The following SSUH2 variants were observed in gnomAD, a reference collection of about 807,000 sequenced individuals.
SSUH2 encodes the protein protein SSUH2 homolog.
A neutral mutation model predicts 55.3 loss-of-function variants in SSUH2; 47 were observed. The ratio of observed to expected loss-of-function variants is 0.85; its 90% confidence interval spans 0.67 to 1.08. The LOEUF is 1.08. Among genes scored for constraint, SSUH2 ranks in the 50% least tolerant of loss-of-function variants. The pLI, the probability that SSUH2 is intolerant of heterozygous loss-of-function variation, is 0.00. For missense variants in SSUH2, 535 were observed against 490.7 expected (o/e 1.09, Z -0.85); for synonymous variants, 212 against 191.5 (o/e 1.11, Z -0.89).
rs574272142 is a variant in SSUH2 at position 8,678,937 on chromosome 3, C to T, written c.-901+768G>A. 7.2e-4 allele frequency among the ~76,000 whole-genome samples: 76 copies of T among 106,068 alleles called. 4 individuals carry two copies. The highest frequency in any genetic ancestry group is 1.1e-3 in the Non-Finnish European group (53 of 46,274). The allele number at this position is 106,068 out of a possible 152,430, so 69.6% of individuals were successfully genotyped here. ...AGGCGGGGACTGAGAGCCAGCCACT[C>T]TTCCCCTCCTGGCTCTTGGGACGCC... is the stretch of plus-strand genomic sequence containing the variant. On this transcript the variant is annotated intron_variant, in intron 2 of 18. Transcript: ENST00000317371.
intron 1 of SSUH2, among the ~76,000 whole-genome samples, chr3:8,681,552 GGGGC>G (rs1348699743): frequency 6.8e-6 from 1 of 147,328 alleles, no homozygotes; most frequent in African/African-American, 2.5e-5. Context: ...ACCCCCATGG[GGGGC>G]GGGAGGCACC....
At chr3:8,681,748 G>A (rs114183114) in intron 1 of SSUH2, 2,052 of 143,018 alleles carry the variant, frequency 0.014, 53 homozygotes, top group African/African-American at 0.05. Flanking sequence ...GAGTGAGAGC[G>A]AGCCCCTCTT....
intron 5 of SSUH2, 146 bp from the exon 6 acceptor site, chr3:8,631,075 C>A: frequency 1.2e-6 from 1 of 841,356 alleles, no homozygotes; most frequent in East Asian, 3.2e-5. Flanking sequence ...CAAGGCCTTC[C>A]TTGGAGGCAG....
chr3:8,670,615 A>G (rs553441730), intron 5 of SSUH2, among the ~76,000 whole-genome samples: 2 of 152,100 alleles, frequency 1.3e-5, no homozygotes, highest in Non-Finnish European at 2.9e-5. Context: ...CAGGGAGTAC[A>G]TGCCGTGTGA....
chr3:8,632,052 T>C lies in SSUH2; in HGVS notation c.397A>G (p.Thr133Ala). The change falls in exon 5 of 12, where the codon ACT becomes GCT. Residue 133 changes from threonine (T) to alanine (A), a missense_variant. Transcript: ENST00000544814. ...TAATTTCAGACAATTCACTTACTAG[T>C]AAAGGGTTGAAATGTCCACTCGCTT... ...RISEWTFQPFTNHSVDGPQRG... is the reference protein window; with the variant it reads ...RISEWTFQPFANHSVDGPQRG... The C allele has an allele frequency of 1.2e-6, 2 of 1,613,438 alleles. No homozygotes were observed. Among genetic ancestry groups the C allele is most frequent in the Non-Finnish European group, 1.7e-6 (2 of 1,179,466 alleles).
chr3:8,633,247 A>G (rs887696380), intron 4 of SSUH2, among the ~76,000 whole-genome samples: 1 of 150,886 alleles, frequency 6.6e-6, no homozygotes, highest in African/African-American at 2.4e-5. Flanking sequence ...AGTTTCAAGC[A>G]ATTGTCCTGC....
intron 5 of SSUH2, among the ~76,000 whole-genome samples, chr3:8,664,808 T>C (rs565782991): frequency 1.3e-5 from 2 of 152,264 alleles, no homozygotes; most frequent in African/African-American, 4.8e-5. Context: ...AAAAAGCAAA[T>C]TAAGGCATAC....
At chr3:8,679,225 C>T (rs530609100) in intron 2 of SSUH2, among the ~76,000 whole-genome samples, 59 of 672 alleles carry the variant, frequency 0.088, 14 homozygotes, top group Non-Finnish European at 0.17. Flanking sequence ...TGGCACCCTC[C>T]GTGAGCGGGG....
chr3:8,664,696 G>A (rs775725638), intron 5 of SSUH2, among the ~76,000 whole-genome samples: 10 of 152,158 alleles, frequency 6.6e-5, no homozygotes, highest in Non-Finnish European at 1.5e-4. Flanking sequence ...CTCCCAGCTC[G>A]GTGCTTTGAC....
chr3:8,633,328 C>G (rs7636704), intron 4 of SSUH2, among the ~76,000 whole-genome samples: 94,769 of 151,594 alleles, frequency 0.63, 29,846 homozygotes, highest in East Asian at 0.86. Flanking sequence ...ATTTTTAGTA[C>G]AGATGGGGTT....
chr3:8,630,263 CA>C (rs1364256106), intron 6 of SSUH2, among the ~76,000 whole-genome samples: 1 of 152,112 alleles, frequency 6.6e-6, no homozygotes, highest in African/African-American at 2.4e-5. Flanking sequence ...AAATCCAGTC[CA>C]AAAGTGTAAA....
chr3:8,672,693 G>C (rs1704730634), intron 3 of SSUH2, among the ~76,000 whole-genome samples: 1 of 151,618 alleles, frequency 6.6e-6, no homozygotes, highest in South Asian at 2.1e-4. Context: ...GATATTTCGA[G>C]TAATATCACC....
At chr3:8,628,960 T>A (rs867110309) in intron 7 of SSUH2, among the ~76,000 whole-genome samples, 1 of 152,216 alleles carries the variant, frequency 6.6e-6, no homozygotes, top group Non-Finnish European at 1.5e-5. Context: ...GGTTCACGCC[T>A]GTCTCCTGCC....
rs771618998 is a variant in SSUH2 at position 8,635,733 on chromosome 3, A to G, written c.127+26T>C. The G allele has an allele frequency of 2.7e-5, 42 of 1,527,386 alleles. 1 individual carries two copies. In the South Asian group the frequency reaches 4.5e-4, roughly 16 times the overall value. 94.6% of individuals were successfully genotyped at this position (1,527,386 alleles called of 1,614,324 possible). A position where few individuals can be genotyped will look rare whatever the true frequency, so the allele number is the denominator to read the frequency against. ...AGCGTGAGCCCTAGGTAGAAGCCCA[A>G]AGAACCAAGCCCTCTTGGAACTTAC... On this transcript the variant is annotated intron_variant, in intron 2 of 11. Transcript: ENST00000544814.
chr3:8,671,290 C>T (rs1012058903), intron 4 of SSUH2: 5 of 167,062 alleles, frequency 3.0e-5, no homozygotes, highest in African/African-American at 4.7e-5. Flanking sequence ...AAAATTATAA[C>T]GAATAATTTC....
At chr3:8,679,470 G>A (rs1400831425) in intron 2 of SSUH2, among the ~76,000 whole-genome samples, 53 of 141,834 alleles carry the variant, frequency 3.7e-4, no homozygotes, top group Middle Eastern at 3.7e-3. Flanking sequence ...CCCGGGAGGC[G>A]GGGACTGAGA....
At chr3:8,673,499 T>G (rs1293871364) in intron 3 of SSUH2, among the ~76,000 whole-genome samples, 1 of 152,030 alleles carries the variant, frequency 6.6e-6, no homozygotes, top group Non-Finnish European at 1.5e-5. Context: ...CTGCTGACCT[T>G]CTCAACTGGG....
rs781096323 is a variant in SSUH2, at chr3:8,619,973, A to G, written c.1023T>C (p.Tyr341=). ...IELIPLTEVH[Y]WYQGKTYVYY... ...AGACATAAGTCTTTCCTTGGTACCA[A>G]TAGTGAACTTCTGTGAGGGGGATCA... Residue 341 remains tyrosine (Y), a synonymous_variant, in exon 12 of 12, where the codon TAT becomes TAC. Coordinates refer to ENST00000544814, the MANE Select transcript of SSUH2 (RefSeq NM_001256748.3). The G allele has an allele frequency of 4.8e-5, 77 of 1,614,046 alleles. No homozygotes were observed. Among genetic ancestry groups the G allele is most frequent in the Admixed American group, 8.3e-5 (5 of 60,004 alleles).
chr3:8,680,131 TG>T (rs1705853084), intron 1 of SSUH2, among the ~76,000 whole-genome samples: 2 of 152,178 alleles, frequency 1.3e-5, no homozygotes, highest in Non-Finnish European at 2.9e-5. Flanking sequence ...ACCCAAACTG[TG>T]GGACCCTGGC....
Sources: gnomAD v4.1 joint callset for allele counts (sites outside exome capture counted in the v4.1 genomes callset) on GRCh38, gnomAD v4.1.1 for gene constraint, MANE v1.5 for transcripts, NCBI Gene and HGNC (gene_info 2026-07-23, HGNC 2026-07-21) for gene names.